Variants in POLR3B observed in about 807,000 individuals in gnomAD.
The protein encoded by POLR3B is DNA-directed RNA polymerase III subunit RPC2.
In POLR3B, 96 loss-of-function variants were observed where a neutral mutation model predicts 147.4. That is an observed-to-expected ratio of 0.65 (90% CI 0.55 to 0.77). The LOEUF (loss-of-function observed/expected upper bound fraction) is 0.77, where lower values mean the gene tolerates loss of function less well. POLR3B is among the 30% of genes least tolerant of loss of function. POLR3B has a pLI of 0.00. For missense variants in POLR3B, 1,036 were observed against 1,413.5 expected, an observed-to-expected ratio of 0.73 and a Z score of 4.28; for synonymous variants, 461 against 485.9, an observed-to-expected ratio of 0.95 and a Z score of 0.67.
intron 11 of POLR3B, 136 bp downstream of exon 11, chr12:106,406,112 C>T (rs555185730): frequency 1.2e-6 from 1 of 821,800 alleles, no homozygotes; most frequent in Non-Finnish European, 2.0e-6. Flanking sequence ...ACTGCCCCAT[C>T]AGAAATAACC....
chr12:106,465,921 A>G (rs192356311), intron 23 of POLR3B, among the ~76,000 whole-genome samples: 37 of 152,292 alleles, frequency 2.4e-4, no homozygotes, highest in African/African-American at 8.7e-4. Context: ...CACAATAAAC[A>G]TACGTGTGCA....
intron 9 of POLR3B, among the ~76,000 whole-genome samples, chr12:106,392,184 C>A (rs1401626215): frequency 6.6e-6 from 1 of 152,024 alleles, no homozygotes; most frequent in African/African-American, 2.4e-5. Context: ...TTTCCCGAGA[C>A]GGAGTTTTGC....
At chr12:106,481,075 A>C (rs1057011107) in intron 23 of POLR3B, among the ~76,000 whole-genome samples, 1 of 152,204 alleles carries the variant, frequency 6.6e-6, no homozygotes, top group African/African-American at 2.4e-5. Flanking sequence ...TAGCTCACCT[A>C]ATAGAAGACC....
intron 27 of POLR3B, among the ~76,000 whole-genome samples, chr12:106,505,787 C>T (rs2038678304): frequency 6.6e-6 from 1 of 152,150 alleles, no homozygotes; most frequent in Admixed American, 6.5e-5. Context: ...GCCACCTTTT[C>T]CCCATTGAGT....
intron 23 of POLR3B, among the ~76,000 whole-genome samples, chr12:106,466,591 T>A (rs895234190): frequency 1.3e-5 from 2 of 152,172 alleles, no homozygotes; most frequent in Non-Finnish European, 2.9e-5. Flanking sequence ...CTAGGTCTTA[T>A]GTTTAGGTCT....
At chr12:106,428,735 T>C (rs1003344610) in intron 13 of POLR3B, among the ~76,000 whole-genome samples, 13 of 152,212 alleles carry the variant, frequency 8.5e-5, no homozygotes, top group Non-Finnish European at 1.5e-4. Context: ...AAATAAGTAA[T>C]AATATGAGAG....
At chr12:106,431,945 G>A (rs1209143630) in intron 14 of POLR3B, among the ~76,000 whole-genome samples, 2 of 152,080 alleles carry the variant, frequency 1.3e-5, no homozygotes, top group Non-Finnish European at 2.9e-5. Context: ...ATTTATTAAT[G>A]TTTTCCTTTA....
chr12:106,372,043 G>A (rs929718185), intron 6 of POLR3B, among the ~76,000 whole-genome samples: 4 of 152,068 alleles, frequency 2.6e-5, no homozygotes, highest in South Asian at 2.1e-4. Context: ...TGTTAGCTCC[G>A]CATTCATAAA....
At position 106,509,544 on chromosome 12, in the gene POLR3B, G is replaced by A. The variant is rs775335616; in HGVS notation, c.3397G>A (p.Glu1133Lys). The stretch of plus-strand genomic sequence containing the variant: ...CAGGTTAAAACTGTCCAAGTACAAT[G>A]AATGAGGATGGAAAAAATGATTATT... The part of the protein sequence containing the change: ...IPRLKLSKYN[E>K] The change falls in exon 28 of 28, where the codon GAA (glutamate) becomes AAA (lysine). Residue 1133 changes from glutamate (E) to lysine (K), a missense_variant. Physicochemically the swap from Glu to Lys is moderately conservative, Grantham distance 56. This residue lies in a region of POLR3B where 69 missense variants were observed against 89.8 expected (regional missense o/e 0.77). Transcript: ENST00000228347. The A allele has an allele frequency of 5.6e-6, 9 of 1,611,464 alleles. No homozygotes were observed. The East Asian group carries it at 1.8e-4, about 32-fold the overall frequency.
chr12:106,482,635 A>G (rs1296100368), intron 23 of POLR3B, among the ~76,000 whole-genome samples: 2 of 152,146 alleles, frequency 1.3e-5, no homozygotes, highest in Non-Finnish European at 2.9e-5. Context: ...TCTTCCTCCA[A>G]CACTGGGGAT....
chr12:106,374,720 G>A (rs1371195716), intron 6 of POLR3B, among the ~76,000 whole-genome samples: 3 of 152,030 alleles, frequency 2.0e-5, no homozygotes, highest in African/African-American at 4.8e-5. Flanking sequence ...GTTTCACCAC[G>A]TTGACCAGGA....
In POLR3B at chr12:106,488,555, G is replaced by C. The variant is rs975714080; in HGVS notation, c.2714-7500G>C. Reference sequence around the variant, plus strand: ...GAGTGAAGCCATGACTTATCTGGTTGAGGCATAATGATGTTCCAAAGGGAA... The same window carrying C: ...GAGTGAAGCCATGACTTATCTGGTTCAGGCATAATGATGTTCCAAAGGGAA... On this transcript the variant is annotated intron_variant, in intron 23 of 27. Transcript: ENST00000228347. Among the ~76,000 whole-genome samples the C allele has an allele frequency of 3.9e-5, 6 of 152,186 alleles. No individual in the cohort carries two copies. The South Asian group carries it at 6.2e-4, about 16-fold the overall frequency.
intron 12 of POLR3B, among the ~76,000 whole-genome samples, chr12:106,414,898 C>A (rs1488684268): frequency 6.6e-6 from 1 of 152,176 alleles, no homozygotes. Flanking sequence ...AAATAGTTTA[C>A]TTTAAAGCCC....
intron 11 of POLR3B, among the ~76,000 whole-genome samples, chr12:106,409,346 G>GTTTTTTTTTTTTTTTTTTTTTT (rs138257827): frequency 1.5e-5 from 1 of 67,470 alleles, no homozygotes; most frequent in Non-Finnish European, 2.6e-5. Context: ...TTGTAAGAGG[G>GTTTTTTTTTTTTTTTTTTTTTT]TTTTTTTTGT....
At chr12:106,390,121 G>A (rs537325848) in intron 9 of POLR3B, among the ~76,000 whole-genome samples, 2 of 151,930 alleles carry the variant, frequency 1.3e-5, no homozygotes, top group Non-Finnish European at 2.9e-5. Flanking sequence ...GGGAGGCCGA[G>A]GCAAGAGAAT....
chr12:106,498,631 G>T (rs1313237936), intron 25 of POLR3B, among the ~76,000 whole-genome samples: 2 of 148,096 alleles, frequency 1.4e-5, no homozygotes, highest in South Asian at 2.1e-4. Context: ...GCCCAGGCTG[G>T]AATGCAATGG....
intron 8 of POLR3B, among the ~76,000 whole-genome samples, chr12:106,379,327 T>C: frequency 6.6e-6 from 1 of 152,242 alleles, no homozygotes; most frequent in East Asian, 1.9e-4. Context: ...AGCTTTGTTT[T>C]CTAGTTATGA....
chr12:106,434,802 T>A (rs1593039643), intron 16 of POLR3B, among the ~76,000 whole-genome samples: 2 of 152,202 alleles, frequency 1.3e-5, no homozygotes, highest in African/African-American at 4.8e-5. Flanking sequence ...TCCTCCTTCA[T>A]ATGACACTAC....
chr12:106,410,681 G>A lies in POLR3B; in HGVS notation c.967-145G>A, dbSNP rs141791851. ...ATCATCTCAGCTCAGGAAATTTCCA[G>A]ACTAGTTGAATTTATTTGAATGGAG... On this transcript the variant is annotated intron_variant, in intron 11 of 27. Coordinates refer to ENST00000228347, the MANE Select transcript of POLR3B (RefSeq NM_018082.6). 704 of 753,712 alleles carry A rather than the reference G, an allele frequency of 9.3e-4. 11 individuals are homozygous for A. In the East Asian group the frequency reaches 0.019, roughly 20 times the overall value. The allele number at this position is 753,712 out of a possible 1,614,324, so 46.7% of individuals were successfully genotyped here.
Sources: gnomAD v4.1 joint callset for allele counts (sites outside exome capture counted in the v4.1 genomes callset) on GRCh38, gnomAD v4.1.1 for gene constraint, gnomAD v4.1.1 regional missense constraint, MANE v1.5 for transcripts, NCBI Gene and HGNC (gene_info 2026-07-23, HGNC 2026-07-21) for gene names.